ZBTB7C: variants seen among roughly 807,000 people sequenced by gnomAD.
ZBTB7C encodes the protein zinc finger and BTB domain containing 7C, also known as zinc finger and BTB domain-containing protein 7C.
Under a neutral mutation model 25.7 loss-of-function variants are expected in ZBTB7C, and 8 were observed. That is an observed-to-expected ratio of 0.31 (90% CI 0.18 to 0.56). The LOEUF is 0.56. Among genes scored for constraint, ZBTB7C ranks in the 20% least tolerant of loss-of-function variants. The pLI, the probability that ZBTB7C is intolerant of heterozygous loss-of-function variation, is 0.91. For missense variants in ZBTB7C, 824 were observed against 855.2 expected, an observed-to-expected ratio of 0.96 and a Z score of 0.46; for synonymous variants, 394 against 369.0, an observed-to-expected ratio of 1.07 and a Z score of -0.78.
rs144288103 is a variant in ZBTB7C at position 48,167,841 on chromosome 18, C to T, written c.-17+18093G>A. On this transcript the variant is annotated intron_variant, in intron 3 of 4. Coordinates refer to ENST00000590800, the MANE Select transcript of ZBTB7C (RefSeq NM_001318841.2). ...ACAGAGCTTATAAAATTACACAGAA[C>T]GGTATGTTTGAAAAGATCATTTTCT... 9.2e-5 allele frequency among the ~76,000 whole-genome samples: 14 copies of T among 152,236 alleles called. 2 individuals are homozygous for T. Among genetic ancestry groups the T allele is most frequent in the African/African-American group, 2.4e-4 (10 of 41,514 alleles).
chr18:48,310,514 A>G (rs549608947), intron 2 of ZBTB7C, among the ~76,000 whole-genome samples: 2 of 152,014 alleles, frequency 1.3e-5, no homozygotes, highest in African/African-American at 2.4e-5. Flanking sequence ...CTCATGCTTA[A>G]AAGGGCCAGT....
At chr18:48,397,519 C>T (rs2048058070) in intron 1 of ZBTB7C, among the ~76,000 whole-genome samples, 1 of 152,162 alleles carries the variant, frequency 6.6e-6, no homozygotes. Context: ...CATTCCAAGC[C>T]TCAGTTCATC....
chr18:48,302,772 G>A (rs2045576291), intron 2 of ZBTB7C, among the ~76,000 whole-genome samples: 1 of 152,162 alleles, frequency 6.6e-6, no homozygotes, highest in Non-Finnish European at 1.5e-5. Flanking sequence ...CTTGCTGGCA[G>A]CTAAGCAAGT....
chr18:48,217,005 T>C (rs545389837), intron 2 of ZBTB7C, among the ~76,000 whole-genome samples: 32 of 152,202 alleles, frequency 2.1e-4, no homozygotes, highest in Non-Finnish European at 4.3e-4. Flanking sequence ...GGCCGTGTGA[T>C]GGGAAGGCAG....
chr18:48,130,236 G>C (rs1463095683), intron 3 of ZBTB7C, among the ~76,000 whole-genome samples: 1 of 152,222 alleles, frequency 6.6e-6, no homozygotes, highest in Non-Finnish European at 1.5e-5. Flanking sequence ...CAGAAATGGA[G>C]CTTTAGTCAC....
At chr18:48,276,814 C>T (rs1465429918) in intron 2 of ZBTB7C, among the ~76,000 whole-genome samples, 31 of 104,204 alleles carry the variant, frequency 3.0e-4, no homozygotes, top group African/African-American at 1.2e-3. Flanking sequence ...GGGTATATAC[C>T]CAGTAATGGG....
At chr18:48,225,687 A>G (rs893824769) in intron 2 of ZBTB7C, among the ~76,000 whole-genome samples, 3 of 152,130 alleles carry the variant, frequency 2.0e-5, no homozygotes, top group African/African-American at 7.2e-5. Flanking sequence ...AGGGCTCCAG[A>G]GGTCTTGAAA....
intron 1 of ZBTB7C, among the ~76,000 whole-genome samples, chr18:48,399,286 G>T (rs1457652944): frequency 1.3e-5 from 2 of 152,198 alleles, no homozygotes; most frequent in African/African-American, 4.8e-5. Flanking sequence ...GTGAGAGAAA[G>T]ATGTTTCACT....
intron 2 of ZBTB7C, among the ~76,000 whole-genome samples, chr18:48,228,172 G>A (rs2043153515): frequency 6.6e-6 from 1 of 152,160 alleles, no homozygotes; most frequent in Non-Finnish European, 1.5e-5. Flanking sequence ...GGACCTGGCT[G>A]GAGAGTATGA....
intron 1 of ZBTB7C, among the ~76,000 whole-genome samples, chr18:48,377,687 C>T (rs1338725917): frequency 6.6e-6 from 1 of 152,166 alleles, no homozygotes; most frequent in African/African-American, 2.4e-5. Context: ...AAAGTAATAA[C>T]CGCTTTTGGA....
intron 4 of ZBTB7C, among the ~76,000 whole-genome samples, chr18:48,030,481 G>T (rs1307123377): frequency 6.6e-6 from 1 of 152,192 alleles, no homozygotes; most frequent in Non-Finnish European, 1.5e-5. Flanking sequence ...CTGCATGGTG[G>T]TTTCTTATCC....
At chr18:48,043,461 G>T (rs879481637) in intron 3 of ZBTB7C, among the ~76,000 whole-genome samples, 1 of 152,174 alleles carries the variant, frequency 6.6e-6, no homozygotes, top group Admixed American at 6.5e-5. Context: ...AGGGAGTTAC[G>T]CTGAGTGAAA....
At chr18:48,400,478 T>C (rs1290961992) in intron 1 of ZBTB7C, among the ~76,000 whole-genome samples, 1 of 152,222 alleles carries the variant, frequency 6.6e-6, no homozygotes, top group Non-Finnish European at 1.5e-5. Context: ...ACAAAAGTCC[T>C]GTCTCAGGCC....
At chr18:48,191,080 A>G (rs1415283507) in intron 2 of ZBTB7C, among the ~76,000 whole-genome samples, 1 of 152,194 alleles carries the variant, frequency 6.6e-6, no homozygotes, top group African/African-American at 2.4e-5. Context: ...ACTAAAGACA[A>G]GAGCGGAAGT....
intron 1 of ZBTB7C, among the ~76,000 whole-genome samples, chr18:48,345,687 C>T (rs1428496143): frequency 3.3e-5 from 5 of 151,766 alleles, no homozygotes; most frequent in East Asian, 1.9e-4. Context: ...GCCTTGGCTC[C>T]GACCTCTGGG....
intron 1 of ZBTB7C, among the ~76,000 whole-genome samples, chr18:48,372,376 C>A (rs1359219147): frequency 6.6e-6 from 1 of 152,242 alleles, no homozygotes; most frequent in African/African-American, 2.4e-5. Context: ...CCAGTCTCCT[C>A]TGCAGTTAGG....
intron 2 of ZBTB7C, among the ~76,000 whole-genome samples, chr18:48,218,718 C>T (rs1324631382): frequency 2.0e-5 from 3 of 152,346 alleles, no homozygotes; most frequent in Non-Finnish European, 4.4e-5. Context: ...CTTTCATTCA[C>T]CTCAAGCCTT....
At chr18:48,156,742 A>C (rs2040851056) in intron 3 of ZBTB7C, among the ~76,000 whole-genome samples, 2 of 152,138 alleles carry the variant, frequency 1.3e-5, no homozygotes, top group Non-Finnish European at 2.9e-5. Context: ...TCCTTGCTTC[A>C]ACTGGGAAAA....
upstream of ZBTB7C, among the ~76,000 whole-genome samples, chr18:48,410,487 T>C (rs1405973700): frequency 1.3e-5 from 2 of 152,158 alleles, no homozygotes; most frequent in Non-Finnish European, 2.9e-5. Flanking sequence ...CCTCGGAGTC[T>C]GTCGGGGCAG....
Sources: gnomAD v4.1 joint callset for allele counts (sites outside exome capture counted in the v4.1 genomes callset) on GRCh38, gnomAD v4.1.1 for gene constraint, MANE v1.5 for transcripts, NCBI Gene and HGNC (gene_info 2026-07-23, HGNC 2026-07-21) for gene names.